The following WSCD1 variants were observed in gnomAD, a reference collection of about 807,000 sequenced individuals.
WSCD1 encodes the protein sialate:O-sulfotransferase 1.
WSCD1 carries 41 observed loss-of-function variants against 60.4 expected under a neutral mutation model. The ratio of observed to expected loss-of-function variants is 0.68; its 90% CI spans 0.53 to 0.88. WSCD1 has a LOEUF of 0.88. Among genes scored for constraint, WSCD1 ranks in the 40% least tolerant of loss-of-function variants. WSCD1 has a pLI of 0.00. For synonymous variants in WSCD1, 361 were observed against 332.5 expected (o/e 1.09, Z -0.93); for missense variants, 784 against 796.2 (o/e 0.98, Z 0.18).
chr17:6,095,289 G>A, intron 5 of WSCD1, 66 bp downstream of exon 5: 2 of 1,534,928 alleles, frequency 1.3e-6, no homozygotes, highest in South Asian at 2.5e-5. Flanking sequence ...GAGAGAGGGG[G>A]GCACATGTGC....
intron 4 of WSCD1, among the ~76,000 whole-genome samples, chr17:6,092,932 T>C (rs1910153292): frequency 6.6e-6 from 1 of 152,232 alleles, no homozygotes; most frequent in Non-Finnish European, 1.5e-5. Flanking sequence ...TTTGCCTTCC[T>C]GCCCCCTTCC....
At chr17:6,079,355 G>T (rs952777496) in intron 1 of WSCD1, among the ~76,000 whole-genome samples, 1 of 152,168 alleles carries the variant, frequency 6.6e-6, no homozygotes, top group Non-Finnish European at 1.5e-5. Context: ...TGTGCTAAGG[G>T]CTTTGCTCAC....
At chr17:6,097,222 G>A (rs944272574) in intron 5 of WSCD1, among the ~76,000 whole-genome samples, 2 of 152,392 alleles carry the variant, frequency 1.3e-5, no homozygotes, top group Non-Finnish European at 2.9e-5. Flanking sequence ...AAGATGAGGA[G>A]GAAGAGAAGG....
chr17:6,108,725 A>T (rs1440774390), intron 5 of WSCD1, among the ~76,000 whole-genome samples: 1 of 152,226 alleles, frequency 6.6e-6, no homozygotes, highest in Non-Finnish European at 1.5e-5. Flanking sequence ...AAGGGTGCCT[A>T]GCAAGCGAGC....
chr17:6,092,254 G>A (rs528966992), intron 4 of WSCD1, among the ~76,000 whole-genome samples: 2 of 151,516 alleles, frequency 1.3e-5, no homozygotes, highest in Admixed American at 6.6e-5. Flanking sequence ...CACAGAAGCC[G>A]AGCCCTGAGA....
intron 1 of WSCD1, among the ~76,000 whole-genome samples, chr17:6,077,378 T>C (rs1203678553): frequency 6.6e-6 from 1 of 152,206 alleles, no homozygotes; most frequent in Non-Finnish European, 1.5e-5. Context: ...TGAGCCACTA[T>C]GCCCAGTCTT....
intron 8 of WSCD1, among the ~76,000 whole-genome samples, chr17:6,119,629 G>C (rs1351180059): frequency 1.3e-5 from 2 of 152,032 alleles, no homozygotes; most frequent in Admixed American, 1.3e-4. Context: ...AGTCAGGCAG[G>C]CTGATCTCTG....
intron 4 of WSCD1, among the ~76,000 whole-genome samples, chr17:6,091,784 G>A (rs1910058825): frequency 6.6e-6 from 1 of 152,172 alleles, no homozygotes; most frequent in Admixed American, 6.5e-5. Flanking sequence ...CAGGCTCACC[G>A]CCTCTGGTCA....
chr17:6,079,707 A>C (rs1909102363), intron 1 of WSCD1, among the ~76,000 whole-genome samples: 1 of 152,220 alleles, frequency 6.6e-6, no homozygotes, highest in Non-Finnish European at 1.5e-5. Context: ...CCAGGCTCAC[A>C]GTTCCAGTGC....
At chr17:6,077,190 G>A (rs1417789985) in intron 1 of WSCD1, among the ~76,000 whole-genome samples, 3 of 150,928 alleles carry the variant, frequency 2.0e-5, no homozygotes, top group African/African-American at 7.3e-5. Flanking sequence ...CCAGGTTTAA[G>A]CATTTCTCCT....
At position 6,124,392 on chromosome 17, in the gene WSCD1, TG is replaced by T. The variant is rs1420794098; in HGVS notation, c.*3732del. On this transcript the variant is annotated 3_prime_UTR_variant, in exon 9 of 9. Coordinates refer to ENST00000317744, the MANE Select transcript of WSCD1 (RefSeq NM_015253.2). Reference sequence around the variant, plus strand: ...ATTGGCCTTACCTCTGGACTTTTTTTGTTATATGAGCTAATAAATTCTGTTT... The same window carrying T: ...ATTGGCCTTACCTCTGGACTTTTTTTTTATATGAGCTAATAAATTCTGTTT... 1 of 152,240 alleles carries T rather than the reference TG, an allele frequency of 6.6e-6. No individual in the cohort carries two copies. The allele number at this position is 152,240 out of a possible 1,614,324, so 9.4% of individuals were successfully genotyped here.
chr17:6,118,179 A>T lies in WSCD1; in HGVS notation c.1366A>T (p.Lys456Ter). 6.2e-7 allele frequency: 1 copy of T among 1,614,098 alleles called. No homozygotes were observed. Among genetic ancestry groups the T allele is most frequent in the Non-Finnish European group, 8.5e-7 (1 of 1,180,008 alleles). The change falls in exon 8 of 9, where the codon AAG (lysine) becomes TAG (stop). Residue 456 changes from lysine to a stop codon, truncating the protein, a stop_gained. Coordinates refer to ENST00000317744, the MANE Select transcript of WSCD1 (RefSeq NM_015253.2). LOFTEE classifies it high-confidence loss of function. The surrounding 1 kb of genome is among the most constrained non-coding windows in gnomAD (Gnocchi z 5.8). Reference sequence around the variant, plus strand: ...GGGATATGCAGCTGACCGCAACTGGAAGAGCAAAGGTAATCAAGGACCTTG... The same window carrying T: ...GGGATATGCAGCTGACCGCAACTGGTAGAGCAAAGGTAATCAAGGACCTTG... ...HLGYAADRNW[K>*]SKEWPDFVNS... is the part of the protein sequence containing the mutation.
chr17:6,113,319 C>A (rs1911510812), intron 7 of WSCD1, among the ~76,000 whole-genome samples: 1 of 152,166 alleles, frequency 6.6e-6, no homozygotes, highest in Admixed American at 6.5e-5. Context: ...AGATATACCC[C>A]TATCTCTCTC....
chr17:6,108,732 G>A (rs771709151), intron 5 of WSCD1, among the ~76,000 whole-genome samples: 9 of 152,216 alleles, frequency 5.9e-5, no homozygotes, highest in Non-Finnish European at 1.2e-4. Flanking sequence ...CCTAGCAAGC[G>A]AGCTAGAATT....
chr17:6,081,477 G>A (rs930200875), intron 2 of WSCD1, among the ~76,000 whole-genome samples: 1 of 152,070 alleles, frequency 6.6e-6, no homozygotes, highest in African/African-American at 2.4e-5. Context: ...TTGGGAGACC[G>A]AGGCGGGCAG....
At chr17:6,077,088 CTTTTTTTT>C (rs34145700) in intron 1 of WSCD1, among the ~76,000 whole-genome samples, 1 of 122,434 alleles carries the variant, frequency 8.2e-6, no homozygotes, top group Non-Finnish European at 1.7e-5. Flanking sequence ...GTTCCTGATG[CTTTTTTTT>C]TTTTTTTTTT....
At chr17:6,087,728 C>T (rs999263117) in intron 2 of WSCD1, among the ~76,000 whole-genome samples, 7 of 152,188 alleles carry the variant, frequency 4.6e-5, no homozygotes, top group African/African-American at 1.2e-4. Context: ...GTGGTCAGGC[C>T]GACGCCTGGC....
At chr17:6,087,224 T>A (rs1004483719) in intron 2 of WSCD1, among the ~76,000 whole-genome samples, 2 of 152,236 alleles carry the variant, frequency 1.3e-5, no homozygotes, top group Admixed American at 1.3e-4. Flanking sequence ...CTCTGGGAGA[T>A]GTCTCCCTCC....
Sources: gnomAD v4.1 joint callset for allele counts (sites outside exome capture counted in the v4.1 genomes callset) on GRCh38, gnomAD v4.1.1 for gene constraint, Gnocchi (gnomAD v3.1) non-coding constraint, MANE v1.5 for transcripts, NCBI Gene and HGNC (gene_info 2026-07-23, HGNC 2026-07-21) for gene names.